The following TBC1D5 variants were observed in gnomAD, a reference collection of about 807,000 sequenced individuals.
The protein encoded by TBC1D5 is TBC1 domain family, member 5.
Under a neutral mutation model 100.3 loss-of-function variants are expected in TBC1D5, and 75 were observed. The observed-to-expected ratio is 0.75, with a 90% CI of 0.62 to 0.91. The LOEUF (loss-of-function observed/expected upper bound fraction) is 0.91, where lower values mean the gene tolerates loss of function less well. Ranked by LOEUF, TBC1D5 falls within the 40% of genes least tolerant of loss-of-function variation. TBC1D5 has a pLI of 0.00. For missense variants in TBC1D5, 910 were observed against 942.4 expected, an observed-to-expected ratio of 0.97 and a Z score of 0.45; for synonymous variants, 323 against 325.6, an observed-to-expected ratio of 0.99 and a Z score of 0.09.
chr3:17,722,142 T>C (rs1381422381), intron 1 of TBC1D5, among the ~76,000 whole-genome samples: 1 of 152,196 alleles, frequency 6.6e-6, no homozygotes, highest in African/African-American at 2.4e-5. Flanking sequence ...GTATCATTAC[T>C]ATCAACGTCC....
intron 3 of TBC1D5, among the ~76,000 whole-genome samples, chr3:17,451,857 T>C (rs1315903041): frequency 6.6e-6 from 1 of 151,632 alleles, no homozygotes; most frequent in Non-Finnish European, 1.5e-5. Flanking sequence ...GAGGTGGAGG[T>C]TGCAGTGAGC....
intron 2 of TBC1D5, among the ~76,000 whole-genome samples, chr3:17,523,144 C>T (rs952953866): frequency 1.3e-5 from 2 of 152,104 alleles, no homozygotes; most frequent in East Asian, 1.9e-4. Context: ...ATCATTATTA[C>T]CCCCATTTTA....
At chr3:17,690,208 T>TATAACAGGGGTCTCCAACCCC (rs1577495479) in intron 1 of TBC1D5, among the ~76,000 whole-genome samples, 11 of 65,298 alleles carry the variant, frequency 1.7e-4, no homozygotes, top group South Asian at 6.3e-4. Context: ...AGCCATATTT[T>TATAACAGGGGTCTCCAACCCC]TTTTTTTTTT....
At chr3:17,656,367 T>TTGCTGCCTTAGTTG (rs2066064571) in intron 1 of TBC1D5, among the ~76,000 whole-genome samples, 3 of 152,200 alleles carry the variant, frequency 2.0e-5, no homozygotes, top group Non-Finnish European at 2.9e-5. Context: ...AAACCTCCCT[T>TTGCTGCCTTAGTTG]CTGCCTTAGT....
chr3:17,533,496 A>C (rs2096253494), intron 2 of TBC1D5, among the ~76,000 whole-genome samples: 1 of 152,138 alleles, frequency 6.6e-6, no homozygotes. Flanking sequence ...CACCAACTCA[A>C]ACAAACTGCT....
intron 8 of TBC1D5, among the ~76,000 whole-genome samples, chr3:17,394,110 A>C (rs2093434125): frequency 6.6e-6 from 1 of 152,088 alleles, no homozygotes; most frequent in Non-Finnish European, 1.5e-5. Context: ...TCTCAAAACA[A>C]AGAATTGGTC....
At chr3:17,371,956 G>A in intron 13 of TBC1D5, 119 bp downstream of exon 13, 1 of 917,742 alleles carries the variant, frequency 1.1e-6, no homozygotes, top group Non-Finnish European at 1.5e-6. Context: ...AGGATCGCTT[G>A]AGCCCAGGGG....
At chr3:17,163,806 G>A (rs2066323390) in intron 21 of TBC1D5, among the ~76,000 whole-genome samples, 1 of 152,210 alleles carries the variant, frequency 6.6e-6, no homozygotes, top group African/African-American at 2.4e-5. Flanking sequence ...TAGTGTGACT[G>A]AGGAACTGAA....
chr3:17,598,701 TTTAC>T (rs915973750), intron 2 of TBC1D5, among the ~76,000 whole-genome samples: 3 of 152,222 alleles, frequency 2.0e-5, no homozygotes, highest in Admixed American at 6.5e-5. Flanking sequence ...CTGAGGATGC[TTTAC>T]TTCTTAGAAA....
At chr3:17,265,728 G>T (rs901157494) in intron 15 of TBC1D5, among the ~76,000 whole-genome samples, 2 of 152,150 alleles carry the variant, frequency 1.3e-5, no homozygotes, top group African/African-American at 4.8e-5. Flanking sequence ...TAACTGAAAT[G>T]AGATAACCTA....
chr3:17,707,306 AC>A (rs1423261985), intron 1 of TBC1D5, among the ~76,000 whole-genome samples: 1 of 152,078 alleles, frequency 6.6e-6, no homozygotes, highest in Non-Finnish European at 1.5e-5. Flanking sequence ...AAAAGCTTTC[AC>A]TATGACATTA....
intron 2 of TBC1D5, among the ~76,000 whole-genome samples, chr3:17,542,520 T>G (rs1343173262): frequency 6.6e-6 from 1 of 152,308 alleles, no homozygotes; most frequent in East Asian, 1.9e-4. Flanking sequence ...CAAAATATCT[T>G]ATCATATATA....
rs1209589891 is a variant in TBC1D5, at chr3:17,633,431, C to G, written c.-100-9518G>C. ...AGCCCGCTCCAACAACAGCGAGACT[C>G]CATCTCAAAAAAAGAAAAAATAACT... On this transcript the variant is annotated intron_variant, in intron 1 of 21. Coordinates refer to ENST00000253692, the Ensembl canonical transcript of TBC1D5. 7.9e-5 allele frequency among the ~76,000 whole-genome samples: 12 copies of G among 152,120 alleles called. 1 individual carries two copies. Among genetic ancestry groups the G allele is most frequent in the Admixed American group, 7.2e-4 (11 of 15,290 alleles).
At chr3:17,331,285 T>G (rs1382315385) in intron 13 of TBC1D5, among the ~76,000 whole-genome samples, 2 of 152,172 alleles carry the variant, frequency 1.3e-5, no homozygotes, top group Admixed American at 1.3e-4. Flanking sequence ...AAGTGTCAAC[T>G]CGTTCTTAAT....
At chr3:17,449,431 GT>G (rs1398939970) in intron 3 of TBC1D5, among the ~76,000 whole-genome samples, 6 of 152,252 alleles carry the variant, frequency 3.9e-5, no homozygotes, top group African/African-American at 1.4e-4. Context: ...GAGCCAACTG[GT>G]TTTGCTCAGT....
At chr3:17,463,879 T>C (rs1266199033) in intron 3 of TBC1D5, among the ~76,000 whole-genome samples, 1 of 152,028 alleles carries the variant, frequency 6.6e-6, no homozygotes, top group Non-Finnish European at 1.5e-5. Flanking sequence ...GCTGTTGATT[T>C]GAGTATTAAT....
chr3:17,281,521 G>A (rs759449682), intron 15 of TBC1D5, among the ~76,000 whole-genome samples: 5 of 152,170 alleles, frequency 3.3e-5, no homozygotes, highest in African/African-American at 1.2e-4. Context: ...CTCCAGGTTC[G>A]TGTGAATGGT....
At chr3:17,633,669 A>G (rs941027390) in intron 1 of TBC1D5, among the ~76,000 whole-genome samples, 2 of 152,214 alleles carry the variant, frequency 1.3e-5, no homozygotes, top group African/African-American at 4.8e-5. Flanking sequence ...AAGAGAGTGT[A>G]GAATAATATA....
At chr3:17,341,397 T>C (rs1043987647) in intron 13 of TBC1D5, among the ~76,000 whole-genome samples, 1 of 152,002 alleles carries the variant, frequency 6.6e-6, no homozygotes, top group African/African-American at 2.4e-5. Flanking sequence ...GGGGTTTCAC[T>C]GTGTTAGCCA....
Sources: allele counts gnomAD v4.1 joint callset (sites outside exome capture counted in the v4.1 genomes callset), GRCh38; gene constraint gnomAD v4.1.1; transcripts MANE v1.5; gene names NCBI Gene and HGNC (gene_info 2026-07-23, HGNC 2026-07-21).